Variants in GADL1 observed in about 807,000 individuals in gnomAD.
GADL1 encodes the protein acidic amino acid decarboxylase GADL1.
Under a neutral mutation model 69.5 loss-of-function variants are expected in GADL1, and 71 were observed. The ratio of observed to expected loss-of-function variants is 1.02; its 90% confidence interval spans 0.84 to 1.25. GADL1 has a LOEUF of 1.25. GADL1 is among the 50% of genes most tolerant of loss of function. GADL1 has a pLI of 0.00. For missense variants in GADL1, 737 were observed against 631.8 expected, an observed-to-expected ratio of 1.17 and a Z score of -1.79; for synonymous variants, 254 against 214.4, an observed-to-expected ratio of 1.18 and a Z score of -1.62.
At chr3:30,761,185 T>TA (rs558110392) in intron 14 of GADL1, among the ~76,000 whole-genome samples, 182 of 152,342 alleles carry the variant, frequency 1.2e-3, no homozygotes, top group African/African-American at 4.3e-3. Flanking sequence ...AGCTTTCCTC[T>TA]AAATCAGGCT....
At chr3:30,774,054 C>T (rs926746668) in intron 14 of GADL1, among the ~76,000 whole-genome samples, 2 of 152,004 alleles carry the variant, frequency 1.3e-5, no homozygotes, top group Admixed American at 6.6e-5. Context: ...AGACAAGATT[C>T]GATTGGTAAG....
intron 1 of GADL1, among the ~76,000 whole-genome samples, chr3:30,892,952 G>T (rs899876018): frequency 5.9e-5 from 9 of 152,180 alleles, no homozygotes; most frequent in African/African-American, 1.9e-4. Flanking sequence ...CGCCTCCCAG[G>T]TTCAAGCGAT....
chr3:30,764,223 TAA>T (rs934699440), intron 14 of GADL1, among the ~76,000 whole-genome samples: 16 of 151,804 alleles, frequency 1.1e-4, no homozygotes, highest in East Asian at 1.9e-4. Flanking sequence ...AAAATTCTCT[TAA>T]GAGATTTTTA....
intron 11 of GADL1, among the ~76,000 whole-genome samples, chr3:30,808,110 C>T (rs1484193049): frequency 6.6e-6 from 1 of 151,984 alleles, no homozygotes; most frequent in African/African-American, 2.4e-5. Flanking sequence ...TAGGTTGGGC[C>T]ATGAATAGTC....
chr3:30,801,124 TTAGAA>T, intron 11 of GADL1, 36 bp from the exon 12 acceptor site: 1 of 1,523,782 alleles, frequency 6.6e-7, no homozygotes, highest in Non-Finnish European at 9.1e-7. Context: ...CTGTTAAACT[TTAGAA>T]TATAACTTGA....
chr3:30,730,592 G>A (rs1294263365), intron 14 of GADL1, among the ~76,000 whole-genome samples: 1 of 152,142 alleles, frequency 6.6e-6, no homozygotes, highest in African/African-American at 2.4e-5. Context: ...AGTTTCACTT[G>A]TTTATAAAAA....
chr3:30,785,381 T>TCTTTTTA (rs371052014), intron 13 of GADL1, among the ~76,000 whole-genome samples: 12 of 122,014 alleles, frequency 9.8e-5, no homozygotes, highest in African/African-American at 4.8e-4. Context: ...GATTTCTTTT[T>TCTTTTTA]CTTTTTTTTT....
intron 1 of GADL1, among the ~76,000 whole-genome samples, chr3:30,875,074 A>T (rs767746968): frequency 6.6e-6 from 1 of 151,826 alleles, no homozygotes; most frequent in Admixed American, 6.6e-5. Flanking sequence ...TCTTCCTCAT[A>T]AAGTAATACC....
chr3:30,883,877 A>AT (rs879923246), intron 1 of GADL1, among the ~76,000 whole-genome samples: 6 of 151,880 alleles, frequency 4.0e-5, no homozygotes, highest in Non-Finnish European at 8.8e-5. Flanking sequence ...GTTTGTTACT[A>AT]TTTTTTATGC....
chr3:30,798,765 C>CA (rs76785659), intron 12 of GADL1: 84,413 of 151,990 alleles, frequency 0.56, 24,023 homozygotes, highest in African/African-American at 0.62. Flanking sequence ...CCTGTAAGGT[C>CA]AAAAGCAGGC....
At chr3:30,880,658 T>C (rs1326453080) in intron 1 of GADL1, among the ~76,000 whole-genome samples, 1 of 151,896 alleles carries the variant, frequency 6.6e-6, no homozygotes. Flanking sequence ...AATGGACTAA[T>C]ACATATGCAA....
chr3:30,854,877 A>G, intron 3 of GADL1, 88 bp from the exon 4 acceptor site: 1 of 704,378 alleles, frequency 1.4e-6, no homozygotes, highest in Non-Finnish European at 2.4e-6. Context: ...TCTTTCAGAA[A>G]ATGAAAGCAG....
At chr3:30,806,438 T>A (rs1232273906) in intron 11 of GADL1, among the ~76,000 whole-genome samples, 1 of 152,212 alleles carries the variant, frequency 6.6e-6, no homozygotes, top group East Asian at 1.9e-4. Flanking sequence ...ATCTAAAATA[T>A]AAAAGTGAAC....
At chr3:30,835,270 A>G (rs961737646) in intron 9 of GADL1, among the ~76,000 whole-genome samples, 1 of 152,100 alleles carries the variant, frequency 6.6e-6, no homozygotes, top group African/African-American at 2.4e-5. Flanking sequence ...AGCATGTAGA[A>G]TGAGGGTGAC....
intron 6 of GADL1, among the ~76,000 whole-genome samples, chr3:30,846,679 T>C (rs1188516732): frequency 1.3e-5 from 2 of 152,044 alleles, no homozygotes; most frequent in Non-Finnish European, 2.9e-5. Flanking sequence ...AAGGGATGTC[T>C]CTAACAACAC....
intron 13 of GADL1, among the ~76,000 whole-genome samples, chr3:30,781,345 C>A (rs1277136809): frequency 6.6e-6 from 1 of 152,216 alleles, no homozygotes; most frequent in Admixed American, 6.5e-5. Context: ...AAGGTAGCAG[C>A]TCACGTTCTC....
intron 12 of GADL1, 192 bp downstream of exon 12, chr3:30,800,697 G>A: frequency 1.7e-6 from 1 of 597,360 alleles, no homozygotes; most frequent in African/African-American, 1.9e-5. Context: ...ACACTTAGTA[G>A]GTACTGAGAA....
chr3:30,850,694 G>A, intron 5 of GADL1, 141 bp downstream of exon 5: 1 of 606,178 alleles, frequency 1.6e-6, no homozygotes, highest in Admixed American at 2.8e-5. Flanking sequence ...TCTGGAGAAA[G>A]GCATAAGCTA....
intron 13 of GADL1, chr3:30,779,024 T>C (rs1170438630): frequency 6.6e-6 from 1 of 152,200 alleles, no homozygotes; most frequent in Non-Finnish European, 1.5e-5. Flanking sequence ...CTACACTAAG[T>C]AATCATAACC....
Sources: allele counts gnomAD v4.1 joint callset (sites outside exome capture counted in the v4.1 genomes callset), GRCh38; gene constraint gnomAD v4.1.1; transcripts MANE v1.5; gene names NCBI Gene and HGNC (gene_info 2026-07-23, HGNC 2026-07-21).